CSMD2: variants seen among roughly 807,000 people sequenced by gnomAD.
CSMD2 encodes the protein CUB and sushi domain-containing protein 2.
In CSMD2, 130 loss-of-function variants were observed where a neutral mutation model predicts 398.5. The observed-to-expected ratio is 0.33, with a 90% CI of 0.28 to 0.38. The LOEUF (loss-of-function observed/expected upper bound fraction) is 0.38. Among genes scored for constraint, CSMD2 ranks in the 10% least tolerant of loss-of-function variants. The pLI is 1.00. For missense variants in CSMD2, 3,829 were observed against 4,764.9 expected, an observed-to-expected ratio of 0.80 and a Z score of 5.78; for synonymous variants, 1,828 against 1,908.5, an observed-to-expected ratio of 0.96 and a Z score of 1.10.
At chr1:33,959,715 C>T (rs1645287638) in intron 3 of CSMD2, among the ~76,000 whole-genome samples, 1 of 152,184 alleles carries the variant, frequency 6.6e-6, no homozygotes. Flanking sequence ...CTCCTGGCTT[C>T]ACATCTTTCA....
intron 25 of CSMD2, among the ~76,000 whole-genome samples, chr1:33,684,213 T>A (rs1271881920): frequency 6.6e-6 from 1 of 152,206 alleles, no homozygotes; most frequent in African/African-American, 2.4e-5. Flanking sequence ...TCCTGGTTAA[T>A]CAAAACCATG....
At chr1:33,915,807 T>C (rs12741493) in intron 5 of CSMD2, among the ~76,000 whole-genome samples, 14,367 of 152,258 alleles carry the variant, frequency 0.094, 890 homozygotes, top group Non-Finnish European at 0.14. Flanking sequence ...GAATGCTACA[T>C]AGCCCGGAAA....
chr1:33,669,204 CTTT>C (rs1196965881), intron 25 of CSMD2, among the ~76,000 whole-genome samples: 3 of 152,156 alleles, frequency 2.0e-5, no homozygotes, highest in African/African-American at 7.2e-5. Flanking sequence ...ACACCATCTT[CTTT>C]TTCTTTTAAT....
chr1:33,683,424 CT>C (rs1644969196), intron 25 of CSMD2, among the ~76,000 whole-genome samples: 1 of 152,008 alleles, frequency 6.6e-6, no homozygotes, highest in African/African-American at 2.4e-5. Flanking sequence ...ATTTTATGTA[CT>C]TTTTGCTTAT....
At chr1:33,561,623 G>A (rs567941162) in intron 53 of CSMD2, among the ~76,000 whole-genome samples, 5 of 152,154 alleles carry the variant, frequency 3.3e-5, no homozygotes, top group Non-Finnish European at 4.4e-5. Context: ...GCAGGGAAGC[G>A]GCTGTTAAAC....
At chr1:33,567,556 G>A in intron 53 of CSMD2, 37 bp downstream of exon 53, 1 of 1,607,444 alleles carries the variant, frequency 6.2e-7, no homozygotes, top group Non-Finnish European at 8.5e-7. Flanking sequence ...TGTTGAATCT[G>A]AGCCCCATGA....
At chr1:34,077,227 G>A (rs1012758274) in intron 2 of CSMD2, among the ~76,000 whole-genome samples, 1 of 151,658 alleles carries the variant, frequency 6.6e-6, no homozygotes, top group Non-Finnish European at 1.5e-5. Flanking sequence ...GGAGGCCGAG[G>A]AGGGTGGATC....
At chr1:34,058,327 G>A (rs1190859316) in intron 2 of CSMD2, among the ~76,000 whole-genome samples, 1 of 152,170 alleles carries the variant, frequency 6.6e-6, no homozygotes, top group African/African-American at 2.4e-5. Context: ...ATGATTCAAT[G>A]GGGTGCTATA....
At chr1:34,162,742 C>G (rs1641466076) in intron 1 of CSMD2, among the ~76,000 whole-genome samples, 1 of 151,900 alleles carries the variant, frequency 6.6e-6, no homozygotes. Context: ...GCCTGTAATC[C>G]CAGCTACTCG....
chr1:33,790,414 G>C (rs1315211495), intron 11 of CSMD2, among the ~76,000 whole-genome samples: 3 of 152,204 alleles, frequency 2.0e-5, no homozygotes, highest in African/African-American at 7.2e-5. Context: ...CCCTGAATAA[G>C]AGAATTCCTC....
At chr1:33,949,081 T>C (rs1310098919) in intron 3 of CSMD2, among the ~76,000 whole-genome samples, 1 of 152,170 alleles carries the variant, frequency 6.6e-6, no homozygotes, top group Non-Finnish European at 1.5e-5. Context: ...GTTACTTAAA[T>C]AGTAAGCTAC....
intron 2 of CSMD2, among the ~76,000 whole-genome samples, chr1:34,054,119 T>C (rs933060507): frequency 1.3e-5 from 2 of 152,188 alleles, no homozygotes; most frequent in African/African-American, 4.8e-5. Context: ...AGAGATAACA[T>C]AGGTATTTTA....
chr1:33,911,831 G>C (rs1306994892), intron 5 of CSMD2, among the ~76,000 whole-genome samples: 2 of 152,204 alleles, frequency 1.3e-5, no homozygotes, highest in Non-Finnish European at 2.9e-5. Context: ...GTAGATGCCA[G>C]AGCCCCGGGG....
At chr1:33,947,405 A>G (rs1644871854) in intron 3 of CSMD2, among the ~76,000 whole-genome samples, 1 of 152,146 alleles carries the variant, frequency 6.6e-6, no homozygotes, top group East Asian at 1.9e-4. Flanking sequence ...ATGATGTCCC[A>G]CACATCAACT....
intron 5 of CSMD2, among the ~76,000 whole-genome samples, chr1:33,903,254 G>A (rs1481704431): frequency 6.6e-6 from 1 of 151,724 alleles, no homozygotes; most frequent in Non-Finnish European, 1.5e-5. Context: ...AGAAAAAAAA[G>A]CCAAAAAGGA....
chr1:33,617,124 G>A (rs1641444134), intron 38 of CSMD2, 149 bp from the exon 39 acceptor site: 1 of 620,754 alleles, frequency 1.6e-6, no homozygotes, highest in Admixed American at 2.9e-5. Flanking sequence ...GGATGGGAGT[G>A]AGGTAGAGGG....
intron 1 of CSMD2, among the ~76,000 whole-genome samples, chr1:34,135,882 A>C (rs924993129): frequency 3.3e-5 from 5 of 152,168 alleles, no homozygotes; most frequent in Non-Finnish European, 7.3e-5. Context: ...ATTCAGAAGA[A>C]ACTGTTGATA....
chr1:33,794,406 G>C (rs1312681593), intron 10 of CSMD2, among the ~76,000 whole-genome samples: 1 of 152,198 alleles, frequency 6.6e-6, no homozygotes, highest in East Asian at 1.9e-4. Context: ...GGAAACTCAG[G>C]CTGAGTTTGG....
chr1:33,908,631 C>T (rs1643268661), intron 5 of CSMD2, among the ~76,000 whole-genome samples: 1 of 152,258 alleles, frequency 6.6e-6, no homozygotes, highest in Non-Finnish European at 1.5e-5. Context: ...TGCGACAACA[C>T]CAGTTCACTT....
Sources: gnomAD v4.1 joint callset for allele counts (sites outside exome capture counted in the v4.1 genomes callset) on GRCh38, gnomAD v4.1.1 for gene constraint, MANE v1.5 for transcripts, NCBI Gene and HGNC (gene_info 2026-07-23, HGNC 2026-07-21) for gene names.